KAT2B: variants seen among roughly 807,000 people sequenced by gnomAD.
KAT2B encodes histone acetyltransferase KAT2B.
In KAT2B, 36 loss-of-function variants were observed where a neutral mutation model predicts 105.9. The ratio of observed to expected loss-of-function variants is 0.34; its 90% CI spans 0.26 to 0.45. KAT2B has a LOEUF of 0.45. Ranked by LOEUF, KAT2B falls within the 20% of genes least tolerant of loss-of-function variation. The pLI is 1.00. For missense variants in KAT2B, 820 were observed against 1,021.6 expected (o/e 0.80, Z 2.69); for synonymous variants, 397 against 377.9 (o/e 1.05, Z -0.59).
intron 1 of KAT2B, among the ~76,000 whole-genome samples, chr3:20,054,581 C>G (rs765251940): frequency 1.3e-5 from 2 of 152,206 alleles, no homozygotes; most frequent in African/African-American, 2.4e-5. Flanking sequence ...CCATCCTAAT[C>G]AGTCCCCATG....
At chr3:20,101,056 G>A (rs937078125) in intron 4 of KAT2B, 10 of 508,186 alleles carry the variant, frequency 2.0e-5, no homozygotes, top group East Asian at 1.2e-4. Flanking sequence ...TTCAGCAGGC[G>A]TAGAATCACA....
intron 15 of KAT2B, 47 bp downstream of exon 15, chr3:20,148,046 T>C (rs1228413569): frequency 1.3e-6 from 2 of 1,584,042 alleles, no homozygotes; most frequent in African/African-American, 1.4e-5. Flanking sequence ...ATTTTTTTTT[T>C]TCCCCACCAA....
At position 20,152,368 on chromosome 3, in the gene KAT2B, A is replaced by G. The variant is rs1255286518; in HGVS notation, c.2342A>G (p.Tyr781Cys). The G allele has an allele frequency of 6.2e-7, 1 of 1,613,346 alleles. No homozygotes were observed. Among genetic ancestry groups the G allele is most frequent in the African/African-American group, 1.3e-5 (1 of 74,892 alleles). ...KTMSERLKNR[Y>C]YVSKKLFMAD... The stretch of plus-strand genomic sequence containing the variant: ...ATGAGTGAACGCCTCAAGAATAGGT[A>G]CTACGTGTCTAAGAAATTATTCATG... Residue 781 changes from tyrosine to cysteine, a missense_variant, in exon 18 of 18, where the codon TAC becomes TGC. Coordinates refer to ENST00000263754, the MANE Select transcript of KAT2B (RefSeq NM_003884.5).
chr3:20,073,652 C>T (rs1304694304), intron 2 of KAT2B, among the ~76,000 whole-genome samples: 1 of 152,148 alleles, frequency 6.6e-6, no homozygotes, highest in Non-Finnish European at 1.5e-5. Context: ...TTTTGAAGCA[C>T]TCAATACAGA....
chr3:20,105,877 A>G (rs895857903), intron 5 of KAT2B, among the ~76,000 whole-genome samples: 3 of 151,760 alleles, frequency 2.0e-5, no homozygotes, highest in Admixed American at 1.3e-4. Context: ...TGTTTTTGGG[A>G]AACAGTTTTA....
chr3:20,117,645 T>C lies in KAT2B; in HGVS notation c.1151-1953T>C, dbSNP rs535668165. On this transcript the variant is annotated intron_variant, in intron 7 of 17. Coordinates refer to ENST00000263754, the MANE Select transcript of KAT2B (RefSeq NM_003884.5). ...GTATCTCTCTTGCTTGGTTTACTTA[T>C]TTTATTGCCTTCTTGGCTGCTGGGA... Among the ~76,000 whole-genome samples the C allele has an allele frequency of 4.3e-4, 65 of 152,320 alleles. No individual in the cohort carries two copies. In the Middle Eastern group the frequency reaches 0.014, roughly 32 times the overall value.
At chr3:20,112,532 G>C (rs1699140313) in intron 6 of KAT2B, among the ~76,000 whole-genome samples, 1 of 152,234 alleles carries the variant, frequency 6.6e-6, no homozygotes, top group Non-Finnish European at 1.5e-5. Context: ...TTGGATGCTG[G>C]TGGGATAGGC....
At chr3:20,084,032 A>G (rs1279838009) in intron 2 of KAT2B, among the ~76,000 whole-genome samples, 3 of 152,146 alleles carry the variant, frequency 2.0e-5, no homozygotes, top group Non-Finnish European at 2.9e-5. Flanking sequence ...TTCCTCAGAG[A>G]TTGAGTTAGG....
chr3:20,105,655 T>C (rs9310607), intron 5 of KAT2B, among the ~76,000 whole-genome samples: 96,457 of 151,484 alleles, frequency 0.64, 31,214 homozygotes, highest in African/African-American at 0.76. Flanking sequence ...GTGGCATGTG[T>C]CTGTGGTGGC....
chr3:20,048,096 A>C (rs1393841758), intron 1 of KAT2B, among the ~76,000 whole-genome samples: 1 of 152,188 alleles, frequency 6.6e-6, no homozygotes, highest in Non-Finnish European at 1.5e-5. Context: ...TAGCCACATA[A>C]GTTTATTGCA....
rs566503068 is a variant in KAT2B at position 20,092,069 on chromosome 3, A to G, written c.431-3194A>G. On this transcript the variant is annotated intron_variant, in intron 2 of 17. Coordinates refer to ENST00000263754, the MANE Select transcript of KAT2B (RefSeq NM_003884.5). ...ACTCTCATTGAATGGAATGTTCTGTATATGTCTGTTAGGTCCATTTTCTTT... is the reference window on the plus strand; with the variant it reads ...ACTCTCATTGAATGGAATGTTCTGTGTATGTCTGTTAGGTCCATTTTCTTT... Among the ~76,000 whole-genome samples the G allele has an allele frequency of 5.6e-4, 85 of 152,270 alleles. No homozygotes were observed. In the East Asian group the frequency reaches 0.016, roughly 29 times the overall value.
rs573855277 is a variant in KAT2B, at chr3:20,101,310, C to A, written c.693C>A (p.Tyr231Ter). Residue 231 changes from tyrosine to a stop codon, truncating the protein, a stop_gained, in exon 5 of 18, where the codon TAC becomes TAA. Transcript: ENST00000263754. LOFTEE classifies it high-confidence loss of function. Reference sequence around the variant, plus strand: ...AGGGTGTGAATAACTTTGTGCAGTACAAATTTAGTCACCTGCCAGCAAAAG... The same window carrying A: ...AGGGTGTGAATAACTTTGTGCAGTAAAAATTTAGTCACCTGCCAGCAAAAG... The part of the protein sequence containing the change: ...IEQGVNNFVQ[Y>*]KFSHLPAKER... 1 of 1,613,842 alleles carries A rather than the reference C, an allele frequency of 6.2e-7. No individual in the cohort carries two copies. The highest frequency in any genetic ancestry group is 8.5e-7 in the Non-Finnish European group (1 of 1,179,958).
chr3:20,081,914 C>CATATAT (rs145138566), intron 2 of KAT2B, among the ~76,000 whole-genome samples: 260 of 131,702 alleles, frequency 2.0e-3, no homozygotes, highest in Non-Finnish European at 3.3e-3. Context: ...TAGAGAGTCT[C>CATATAT]ATATATATAT....
chr3:20,076,309 G>C (rs897191358), intron 2 of KAT2B, among the ~76,000 whole-genome samples: 2 of 152,038 alleles, frequency 1.3e-5, no homozygotes, highest in Admixed American at 6.6e-5. Flanking sequence ...CAGGGTACGG[G>C]GGGTATAGGT....
At chr3:20,050,199 CAAAA>C (rs11298850) in intron 1 of KAT2B, among the ~76,000 whole-genome samples, 4 of 104,050 alleles carry the variant, frequency 3.8e-5, no homozygotes, top group Admixed American at 1.1e-4. Context: ...GACCCTGTCT[CAAAA>C]AAAAAAAAAA....
chr3:20,074,255 G>C (rs947353219), intron 2 of KAT2B, among the ~76,000 whole-genome samples: 1 of 152,216 alleles, frequency 6.6e-6, no homozygotes, highest in Non-Finnish European at 1.5e-5. Flanking sequence ...ATATTCCAAT[G>C]TAGGAGATGA....
intron 2 of KAT2B, among the ~76,000 whole-genome samples, chr3:20,092,747 G>A (rs1698745015): frequency 2.0e-5 from 3 of 151,876 alleles, no homozygotes; most frequent in African/African-American, 7.3e-5. Context: ...CTGTCACTAG[G>A]CTGGAGTGCA....
At position 20,140,300 on chromosome 3, in the gene KAT2B, G is replaced by A; in HGVS notation, c.1940G>A (p.Gly647Glu). 1 of 1,612,816 alleles carries A rather than the reference G, an allele frequency of 6.2e-7. No homozygotes were observed. Among genetic ancestry groups the A allele is most frequent in the Non-Finnish European group, 8.5e-7 (1 of 1,178,874 alleles). ...GATTATGAAGGAGCCACTTTAATGG[G>A]ATGTGAGCTAAATCCACGGATCCCG... ...IKDYEGATLM[G>E]CELNPRIPYT... Residue 647 changes from glycine (G) to glutamate (E), a missense_variant, in exon 13 of 18, where the codon GGA becomes GAA. Transcript: ENST00000263754.
In KAT2B at chr3:20,114,914, G is replaced by A. The variant is rs745597798; in HGVS notation, c.1076G>A (p.Ser359Asn). Residue 359 changes from serine to asparagine, a missense_variant, in exon 7 of 18, where the codon AGT becomes AAT. By Grantham distance (46) the Ser-to-Asn change is conservative. Coordinates refer to ENST00000263754, the MANE Select transcript of KAT2B (RefSeq NM_003884.5). Reference sequence around the variant, plus strand: ...TCCATGCTAGAAGAAGAAGTATATAGTCAAAACTCTCCCATCTGGGATCAG... The same window carrying A: ...TCCATGCTAGAAGAAGAAGTATATAATCAAAACTCTCCCATCTGGGATCAG... ...FLSMLEEEVY[S>N]QNSPIWDQDF... is the part of the protein sequence containing the mutation. The A allele has an allele frequency of 1.2e-6, 2 of 1,610,852 alleles. No homozygotes were observed. The highest frequency in any genetic ancestry group is 2.2e-5 in the East Asian group (1 of 44,762).
Sources: gnomAD v4.1 joint callset for allele counts (sites outside exome capture counted in the v4.1 genomes callset) on GRCh38, gnomAD v4.1.1 for gene constraint, MANE v1.5 for transcripts, NCBI Gene and HGNC (gene_info 2026-07-23, HGNC 2026-07-21) for gene names.